The following BMP4 variants were observed in gnomAD, a reference collection of about 807,000 sequenced individuals.
BMP4 encodes the protein bone morphogenetic protein 2B.
In BMP4, 3 loss-of-function variants were observed where a neutral mutation model predicts 29.6. The observed-to-expected ratio is 0.10, with a 90% CI of 0.05 to 0.26. BMP4 has a LOEUF of 0.26. BMP4 is among the 10% of genes least tolerant of loss of function. BMP4 has a pLI of 1.00. For missense variants in BMP4, 455 were observed against 550.2 expected (o/e 0.83, Z 1.73); for synonymous variants, 197 against 213.2 (o/e 0.92, Z 0.66).
Position 53,950,199 on chromosome 14 carries a change from G to T in BMP4, c.1060C>A (p.His354Asn). The change falls in exon 4 of 4, where the codon CAT (histidine) becomes AAT (asparagine). Residue 354 changes from histidine (H) to asparagine (N), a missense_variant. By Grantham distance (68) the His-to-Asn change is moderately conservative. Around this residue, in one of 4 missense-constraint regions of BMP4, gnomAD observed 48 missense variants for 90.4 expected, o/e 0.53. Coordinates refer to ENST00000245451, the MANE Select transcript of BMP4 (RefSeq NM_001202.6). The surrounding 1 kb of genome is among the most constrained non-coding windows in gnomAD (Gnocchi z 5.4). The stretch of plus-strand genomic sequence containing the variant: ...TTGACCAGGGTCTGCACAATGGCAT[G>T]GTTGGTTGAGTTGAGGTGGTCAGCC... Reference protein sequence around the residue: ...PLADHLNSTNHAIVQTLVNSV... With the variant: ...PLADHLNSTNNAIVQTLVNSV... 1.2e-6 allele frequency: 2 copies of T among 1,614,234 alleles called. No individual in the cohort carries two copies. The highest frequency in any genetic ancestry group is 8.5e-7 in the Non-Finnish European group (1 of 1,180,040).
chr14:53,950,367 A>C lies in BMP4; in HGVS notation c.892T>G (p.Ser298Ala), dbSNP rs763183438. 5.0e-6 allele frequency: 8 copies of C among 1,613,942 alleles called. No individual in the cohort carries two copies. The Admixed American group carries it at 1.3e-4, about 27-fold the overall frequency. Residue 298 changes from serine (S) to alanine (A), a missense_variant, in exon 4 of 4, where the codon TCA (serine) becomes GCA (alanine). Transcript: ENST00000245451. This position sits in a 1 kb window ranked among gnomAD's most constrained non-coding sequence, Gnocchi z 5.4. ...RRAKRSPKHHSQRARKKNKNC... is the reference protein window; with the variant it reads ...RRAKRSPKHHAQRARKKNKNC... ...TTATTCTTCTTCCTGGCCCGCTGTG[A>C]GTGATGCTTAGGGCTACGCTTGGCC...
In BMP4 at chr14:53,955,322, G is replaced by A. The variant is rs1895674523; in HGVS notation, c.-133+1228C>T. 6.6e-6 allele frequency: 1 copy of A among 152,276 alleles called. No individual in the cohort carries two copies. The highest frequency in any genetic ancestry group is 1.5e-5 in the Non-Finnish European group (1 of 68,066). The allele number at this position is 152,276 out of a possible 1,614,324, so 9.4% of individuals were successfully genotyped here. A position where few individuals can be genotyped will look rare whatever the true frequency, so the allele number is the denominator to read the frequency against. ...AACCCTCGGCCCCAAGGAATCTCCT[G>A]GGGCGGGAGAGCGCGGTTCTAAAAC... On this transcript the variant is annotated intron_variant, in intron 1 of 3. Transcript: ENST00000245451. The surrounding 1 kb of genome is among the most constrained non-coding windows in gnomAD (Gnocchi z 4.0).
rs550226363 is a variant in BMP4 at position 53,950,402 on chromosome 14, C to G, written c.857G>C (p.Arg286Pro). ...GHDGRGHALT[R>P]RRRAKRSPKH... is the part of the protein sequence containing the mutation. ...AGGGCTACGCTTGGCCCTCCGGCGTCGGGTCAAGGCATGGCCCCGGCCATC... is the reference window on the plus strand; with the variant it reads ...AGGGCTACGCTTGGCCCTCCGGCGTGGGGTCAAGGCATGGCCCCGGCCATC... Residue 286 changes from arginine to proline, a missense_variant, in exon 4 of 4, where the codon CGA becomes CCA. Transcript: ENST00000245451. This position sits in a 1 kb window ranked among gnomAD's most constrained non-coding sequence, Gnocchi z 5.4. 4 of 1,613,558 alleles carry G rather than the reference C, an allele frequency of 2.5e-6. No homozygotes were observed. Among genetic ancestry groups the G allele is most frequent in the East Asian group, 2.2e-5 (1 of 44,888 alleles).
intron 1 of BMP4, 141 bp from the exon 2 acceptor site, chr14:53,953,541 G>GC: frequency 2.6e-6 from 1 of 385,262 alleles, no homozygotes; most frequent in Non-Finnish European, 4.6e-6. Context: ...CTCCTCCACA[G>GC]CCCCCCGCCC....
At chr14:53,951,017 G>T in intron 3 of BMP4, 129 bp from the exon 4 acceptor site, 2 of 1,310,898 alleles carry the variant, frequency 1.5e-6, no homozygotes, top group Non-Finnish European at 2.2e-6. Flanking sequence ...GAAACCTACT[G>T]GGGGAAAATA....
In BMP4 at chr14:53,954,351, TCA is replaced by T. The variant is rs1204539212; in HGVS notation, c.-132-953_-132-952del. ...GAGGCGTCGCTGCAGAAAGGACGCA[TCA>T]CAGTTTTCAGATCTTAATGTGGCCG... On this transcript the variant is annotated intron_variant, in intron 1 of 3. Transcript: ENST00000245451. The surrounding 1 kb of genome is among the most constrained non-coding windows in gnomAD (Gnocchi z 4.8). 1.3e-5 allele frequency: 2 copies of T among 152,076 alleles called. No individual in the cohort carries two copies. Among genetic ancestry groups the T allele is most frequent in the East Asian group, 1.9e-4 (1 of 5,132 alleles). 9.4% of individuals were successfully genotyped at this position (152,076 alleles called of 1,614,324 possible). A position where few individuals can be genotyped will look rare whatever the true frequency, so the allele number is the denominator to read the frequency against.
At position 53,950,892 on chromosome 14, in the gene BMP4, G is replaced by C. The variant is rs1895369361; in HGVS notation, c.371-4C>G. ...CCTGGGATGTTCTCCAGATGTTCTA[G>C]GCACAGTTAGGAAGGAAGGGGAAAA... is the stretch of plus-strand genomic sequence containing the variant. On this transcript the variant is annotated splice_polypyrimidine_tract_variant and splice_region_variant and intron_variant, in intron 3 of 3. Transcript: ENST00000245451. The surrounding 1 kb of genome is among the most constrained non-coding windows in gnomAD (Gnocchi z 5.4). The C allele has an allele frequency of 6.2e-7, 1 of 1,601,010 alleles. No homozygotes were observed. Among genetic ancestry groups the C allele is most frequent in the Non-Finnish European group, 8.5e-7 (1 of 1,179,980 alleles).
Position 53,950,519 on chromosome 14 carries a change from T to G in BMP4, c.740A>C (p.His247Pro). The change falls in exon 4 of 4, where the codon CAC becomes CCC. Residue 247 changes from histidine to proline, a missense_variant. Physicochemically the swap from His to Pro is moderately conservative, Grantham distance 77. This residue lies in a region of BMP4 where 154 missense variants were observed against 156.8 expected (regional missense o/e 0.98). Coordinates refer to ENST00000245451, the MANE Select transcript of BMP4 (RefSeq NM_001202.6). This position sits in a 1 kb window ranked among gnomAD's most constrained non-coding sequence, Gnocchi z 5.4. ...EVTHLHQTRTHQGQHVRISRS... is the reference protein window; with the variant it reads ...EVTHLHQTRTPQGQHVRISRS... ...GCTAATCCTGACATGCTGGCCCTGG[T>G]GGGTCCGAGTCTGATGGAGGTGAGT... 1 of 1,614,198 alleles carries G rather than the reference T, an allele frequency of 6.2e-7. No individual in the cohort carries two copies. Among genetic ancestry groups the G allele is most frequent in the Non-Finnish European group, 8.5e-7 (1 of 1,180,034 alleles).
rs1306483211 is a variant in BMP4 at position 53,952,184 on chromosome 14, T to C, written c.39A>G (p.Leu13=). ...TCGCGCCTCCTAGCAGGACTTGGCA[T>C]AATAAAACGACCATCAGCATTCGGT... ...PGNRMLMVVL[L]CQVLLGGASH... The change falls in exon 3 of 4, where the codon TTA becomes TTG. Residue 13 remains leucine (L), a synonymous_variant. Transcript: ENST00000245451. The C allele has an allele frequency of 6.2e-7, 1 of 1,614,044 alleles. No homozygotes were observed. Among genetic ancestry groups the C allele is most frequent in the Non-Finnish European group, 8.5e-7 (1 of 1,179,986 alleles).
At chr14:53,952,255 GT>G in intron 2 of BMP4, 26 bp from the exon 3 acceptor site, 1 of 1,610,890 alleles carries the variant, frequency 6.2e-7, no homozygotes, top group Non-Finnish European at 8.5e-7. Flanking sequence ...GGAGTGGAAG[GT>G]TAAAGAATAA....
At position 53,950,024 on chromosome 14, in the gene BMP4, G is replaced by A. The variant is rs1301532568; in HGVS notation, c.*8C>T. The A allele has an allele frequency of 6.2e-7, 1 of 1,613,624 alleles. No homozygotes were observed. The highest frequency in any genetic ancestry group is 8.5e-7 in the Non-Finnish European group (1 of 1,179,954). ...GTATATCTGTCTATCCTCAAGGACT[G>A]CCTGATCTCAGCGGCACCCACATCC... On this transcript the variant is annotated 3_prime_UTR_variant, in exon 4 of 4. Transcript: ENST00000245451. This position sits in a 1 kb window ranked among gnomAD's most constrained non-coding sequence, Gnocchi z 5.4.
intron 2 of BMP4, among the ~76,000 whole-genome samples, chr14:53,952,826 C>G (rs933217470): frequency 2.0e-5 from 3 of 152,048 alleles, no homozygotes; most frequent in Non-Finnish European, 4.4e-5. Flanking sequence ...TTATTGTGGC[C>G]GATGAGTTTG....
chr14:53,951,680 A>C, intron 3 of BMP4, 173 bp downstream of exon 3: 1 of 1,073,430 alleles, frequency 9.3e-7, no homozygotes, highest in African/African-American at 1.6e-5. Flanking sequence ...CTCTGTCTCC[A>C]AAAAATAAGT....
chr14:53,952,868 C>CG (rs1895520600), intron 2 of BMP4, among the ~76,000 whole-genome samples: 1 of 152,154 alleles, frequency 6.6e-6, no homozygotes, highest in African/African-American at 2.4e-5. Context: ...TGATCGTGCC[C>CG]GCTCATCCCC....
intron 1 of BMP4, among the ~76,000 whole-genome samples, chr14:53,953,805 G>C (rs1349078846): frequency 2.0e-5 from 3 of 152,064 alleles, no homozygotes; most frequent in Non-Finnish European, 4.4e-5. Context: ...CTCCCAGCTC[G>C]AACCCGGCTT....
Position 53,950,318 on chromosome 14 carries a change from T to C in BMP4, c.941A>G (p.Tyr314Cys), listed in dbSNP as rs1449428755. 1.9e-6 allele frequency: 3 copies of C among 1,614,180 alleles called. No homozygotes were observed. The highest frequency in any genetic ancestry group is 1.7e-5 in the Admixed American group (1 of 60,024). ...KNKNCRRHSL[Y>C]VDFSDVGWND... ...CCAGCCCACATCGCTGAAGTCCACA[T>C]AGAGCGAGTGGCGCCGGCAGTTCTT... Residue 314 changes from tyrosine (Y) to cysteine (C), a missense_variant, in exon 4 of 4, where the codon TAT (tyrosine) becomes TGT (cysteine). Tyr to Cys is a radical substitution (Grantham distance 194). This residue lies in a region of BMP4 where 154 missense variants were observed against 156.8 expected (regional missense o/e 0.98). Transcript: ENST00000245451. The surrounding 1 kb of genome is among the most constrained non-coding windows in gnomAD (Gnocchi z 5.4).
chr14:53,951,006 G>T (rs1895378034), intron 3 of BMP4, 118 bp from the exon 4 acceptor site: 4 of 1,395,286 alleles, frequency 2.9e-6, no homozygotes, highest in African/African-American at 1.4e-5. Flanking sequence ...CTTATGCAGG[G>T]GAAACCTACT....
chr14:53,955,548 T>C lies in BMP4; in HGVS notation c.-133+1002A>G, dbSNP rs1489419911. The C allele has an allele frequency of 6.6e-6, 1 of 152,282 alleles. No individual in the cohort carries two copies. Among genetic ancestry groups the C allele is most frequent in the East Asian group, 1.9e-4 (1 of 5,202 alleles). 9.4% of individuals were successfully genotyped at this position (152,282 alleles called of 1,614,324 possible). A position where few individuals can be genotyped will look rare whatever the true frequency, so the allele number is the denominator to read the frequency against. Reference sequence around the variant, plus strand: ...TCACTTCCCTACTCGAATCTTCTCCTAATGCCGAAATGTGTTTACAGGTAG... The same window carrying C: ...TCACTTCCCTACTCGAATCTTCTCCCAATGCCGAAATGTGTTTACAGGTAG... On this transcript the variant is annotated intron_variant, in intron 1 of 3. Transcript: ENST00000245451. The surrounding 1 kb of genome is among the most constrained non-coding windows in gnomAD (Gnocchi z 4.0).
Position 53,951,937 on chromosome 14 carries a change from C to T in BMP4, c.286G>A (p.Glu96Lys), listed in dbSNP as rs1168891139. 3 of 1,607,480 alleles carry T rather than the reference C, an allele frequency of 1.9e-6. No homozygotes were observed. The highest frequency in any genetic ancestry group is 1.7e-6 in the Non-Finnish European group (2 of 1,179,984). Reference protein sequence around the residue: ...LYRLQSGEEEEEQIHSTGLEY... With the variant: ...LYRLQSGEEEKEQIHSTGLEY... The stretch of plus-strand genomic sequence containing the variant: ...AGACCAGTGCTGTGGATCTGCTCTT[C>T]CTCCTCCTCCCCAGACTGAAGCCGG... The change falls in exon 3 of 4, where the codon GAA becomes AAA. Residue 96 changes from glutamate to lysine, a missense_variant. This residue lies in a region of BMP4 where 249 missense variants were observed against 284.6 expected (regional missense o/e 0.87). Transcript: ENST00000245451.
Sources: gnomAD v4.1 joint callset for allele counts (sites outside exome capture counted in the v4.1 genomes callset) on GRCh38, gnomAD v4.1.1 for gene constraint, gnomAD v4.1.1 regional missense constraint, Gnocchi (gnomAD v3.1) non-coding constraint, MANE v1.5 for transcripts, NCBI Gene and HGNC (gene_info 2026-07-23, HGNC 2026-07-21) for gene names.